ABLIM2: variants seen among roughly 807,000 people sequenced by gnomAD.
The protein encoded by ABLIM2 is actin binding LIM protein family member 2.
A neutral mutation model predicts 97.7 loss-of-function variants in ABLIM2; 53 were observed. That is an observed-to-expected ratio of 0.54 (90% CI 0.44 to 0.68). The LOEUF is 0.68. ABLIM2 is among the 30% of genes least tolerant of loss of function. The pLI, the probability that ABLIM2 is intolerant of heterozygous loss-of-function variation, is 0.00. For synonymous variants in ABLIM2, 361 were observed against 345.8 expected (o/e 1.04, Z -0.49); for missense variants, 835 against 867.2 (o/e 0.96, Z 0.47).
intron 1 of ABLIM2, among the ~76,000 whole-genome samples, chr4:8,145,530 A>G (rs1271765031): frequency 3.3e-5 from 5 of 151,730 alleles, no homozygotes; most frequent in Admixed American, 2.6e-4. Flanking sequence ...TTTGGATCCC[A>G]CTCTGGTGAG....
chr4:8,008,132 G>A lies in ABLIM2; in HGVS notation c.1545C>T (p.Thr515=), dbSNP rs1369360210. 6.2e-7 allele frequency: 1 copy of A among 1,614,026 alleles called. No homozygotes were observed. The highest frequency in any genetic ancestry group is 1.1e-5 in the South Asian group (1 of 91,080). The change falls in exon 16 of 21, where the codon ACC becomes ACT. Residue 515 remains threonine (T), a synonymous_variant. Transcript: ENST00000447017. The part of the protein sequence containing the change: ...DTRTNSPDLD[T]QSLSHSSGTD... ...TCCCGCTGCTGTGGGACAAGGACTG[G>A]GTGTCCAGGTCTGGAGAATTGGTCC...
At chr4:8,041,741 A>C (rs1257504058) in intron 9 of ABLIM2, among the ~76,000 whole-genome samples, 1 of 152,150 alleles carries the variant, frequency 6.6e-6, no homozygotes, top group African/African-American at 2.4e-5. Context: ...TCTCTATTAA[A>C]AATACAAAAA....
chr4:8,039,881 T>A (rs919262951), intron 9 of ABLIM2, among the ~76,000 whole-genome samples: 3 of 141,856 alleles, frequency 2.1e-5, no homozygotes, highest in African/African-American at 8.1e-5. Context: ...ACTGTTTTTT[T>A]TTTTTTTTTT....
intron 3 of ABLIM2, among the ~76,000 whole-genome samples, chr4:8,089,535 G>C (rs1307757070): frequency 6.6e-6 from 1 of 152,060 alleles, no homozygotes; most frequent in East Asian, 1.9e-4. Context: ...AGGAGTTTGA[G>C]ACCAGCCTGG....
intron 4 of ABLIM2, among the ~76,000 whole-genome samples, chr4:8,081,381 C>T (rs1280307065): frequency 2.0e-5 from 3 of 152,220 alleles, no homozygotes; most frequent in Admixed American, 6.5e-5. Context: ...CTGCCCTGCT[C>T]ACTTGTCCTG....
chr4:8,008,133 G>A lies in ABLIM2; in HGVS notation c.1544C>T (p.Thr515Ile). The change falls in exon 16 of 21, where the codon ACC (threonine) becomes ATC (isoleucine). Residue 515 changes from threonine to isoleucine, a missense_variant. Coordinates refer to ENST00000447017, the MANE Select transcript of ABLIM2 (RefSeq NM_001130083.2). ...DTRTNSPDLDTQSLSHSSGTD... is the reference protein window; with the variant it reads ...DTRTNSPDLDIQSLSHSSGTD... ...CCCGCTGCTGTGGGACAAGGACTGGGTGTCCAGGTCTGGAGAATTGGTCCT... is the reference window on the plus strand; with the variant it reads ...CCCGCTGCTGTGGGACAAGGACTGGATGTCCAGGTCTGGAGAATTGGTCCT... 1 of 1,614,042 alleles carries A rather than the reference G, an allele frequency of 6.2e-7. No homozygotes were observed. Among genetic ancestry groups the A allele is most frequent in the Admixed American group, 1.7e-5 (1 of 60,028 alleles).
intron 14 of ABLIM2, among the ~76,000 whole-genome samples, chr4:8,010,880 G>T (rs1208998046): frequency 2.6e-5 from 4 of 152,222 alleles, no homozygotes; most frequent in African/African-American, 7.2e-5. Flanking sequence ...CTTGGCAGCT[G>T]CCCAGCAAGT....
chr4:7,995,535 G>A (rs986074275), intron 16 of ABLIM2, among the ~76,000 whole-genome samples: 10 of 152,200 alleles, frequency 6.6e-5, no homozygotes, highest in Admixed American at 2.6e-4. Context: ...GGTTCCTCAT[G>A]GACTCAATGA....
intron 14 of ABLIM2, among the ~76,000 whole-genome samples, chr4:8,013,478 C>A (rs963579521): frequency 2.6e-5 from 4 of 152,188 alleles, no homozygotes; most frequent in Non-Finnish European, 4.4e-5. Context: ...CCTGCCTCAG[C>A]CTCACAAAGT....
In ABLIM2 at chr4:8,155,870, C is replaced by T. The variant is rs1294084633; in HGVS notation, c.10+2810G>A. Among the ~76,000 whole-genome samples, 1 of 151,976 alleles carries T rather than the reference C, an allele frequency of 6.6e-6. No homozygotes were observed. Among genetic ancestry groups the T allele is most frequent in the Non-Finnish European group, 1.5e-5 (1 of 68,006 alleles). ...AGACACACACAAAGGGAAGACGGGGCGAGGACACAGGGAGAGGGCGGCCGT... is the reference window on the plus strand; with the variant it reads ...AGACACACACAAAGGGAAGACGGGGTGAGGACACAGGGAGAGGGCGGCCGT... On this transcript the variant is annotated intron_variant, in intron 1 of 20. Coordinates refer to ENST00000447017, the MANE Select transcript of ABLIM2 (RefSeq NM_001130083.2). This position sits in a 1 kb window ranked among gnomAD's most constrained non-coding sequence, Gnocchi z 4.2.
rs1472233192 is a variant in ABLIM2, at chr4:8,128,555, A to G, written c.11-21918T>C. 6.6e-6 allele frequency among the ~76,000 whole-genome samples: 1 copy of G among 152,204 alleles called. No individual in the cohort carries two copies. The highest frequency in any genetic ancestry group is 1.5e-5 in the Non-Finnish European group (1 of 68,030). ...GTTACCAGATGTACTCCCAGGCTCT[A>G]AAACACGAATGCACTAAACCTCCAG... On this transcript the variant is annotated intron_variant, in intron 1 of 20. Transcript: ENST00000447017. The surrounding 1 kb of genome is among the most constrained non-coding windows in gnomAD (Gnocchi z 4.9).
intron 1 of ABLIM2, among the ~76,000 whole-genome samples, chr4:8,157,440 A>G (rs1715717155): frequency 6.6e-6 from 1 of 152,174 alleles, no homozygotes; most frequent in Admixed American, 6.5e-5. Context: ...ATCCTCTTCC[A>G]AAGGGTTCTG....
At chr4:8,091,301 T>A (rs1414805395) in intron 3 of ABLIM2, among the ~76,000 whole-genome samples, 1 of 40,518 alleles carries the variant, frequency 2.5e-5, no homozygotes, top group Non-Finnish European at 4.1e-5. Context: ...TATTATATAT[T>A]ATATTATATA....
At chr4:8,059,444 G>T (rs2076770) in intron 7 of ABLIM2, among the ~76,000 whole-genome samples, 19 of 151,826 alleles carry the variant, frequency 1.3e-4, no homozygotes, top group Admixed American at 7.9e-4. Flanking sequence ...GAGGATGACC[G>T]GAAGTCCCTG....
chr4:8,133,127 A>G, intron 1 of ABLIM2, among the ~76,000 whole-genome samples: 1 of 151,984 alleles, frequency 6.6e-6, no homozygotes, highest in Non-Finnish European at 1.5e-5. Flanking sequence ...CGTCACTCCA[A>G]TCTCTGCCTC....
intron 1 of ABLIM2, among the ~76,000 whole-genome samples, chr4:8,156,290 C>G (rs1329978915): frequency 6.6e-6 from 1 of 151,928 alleles, no homozygotes; most frequent in Non-Finnish European, 1.5e-5. Context: ...CTACACCACA[C>G]TGATTGTCAC....
Position 8,149,310 on chromosome 4 carries a change from C to G in ABLIM2, c.10+9370G>C, listed in dbSNP as rs868011366. ...AGTCGCATATGAACAGTCATTTTGC[C>G]GCATGAGGTCACATAGTCACAGGGC... is the stretch of plus-strand genomic sequence containing the variant. On this transcript the variant is annotated intron_variant, in intron 1 of 20. Coordinates refer to ENST00000447017, the MANE Select transcript of ABLIM2 (RefSeq NM_001130083.2). This position sits in a 1 kb window ranked among gnomAD's most constrained non-coding sequence, Gnocchi z 6.4. Among the ~76,000 whole-genome samples the G allele has an allele frequency of 1.1e-4, 16 of 152,086 alleles. No individual in the cohort carries two copies. Among genetic ancestry groups the G allele is most frequent in the African/African-American group, 3.4e-4 (14 of 41,404 alleles).
rs942436148 is a variant in ABLIM2 at position 8,069,313 on chromosome 4, C to T, written c.676-8259G>A. Among the ~76,000 whole-genome samples, 8 of 152,258 alleles carry T rather than the reference C, an allele frequency of 5.3e-5. No homozygotes were observed. Among genetic ancestry groups the T allele is most frequent in the Non-Finnish European group, 8.8e-5 (6 of 68,052 alleles). ...GGCCAGCCTGAGCGGCCCTAGAGGA[C>T]CAGAGAACTTGACTAAGTTTGGGAA... On this transcript the variant is annotated intron_variant, in intron 6 of 20. Transcript: ENST00000447017. The surrounding 1 kb of genome is among the most constrained non-coding windows in gnomAD (Gnocchi z 4.2).
rs2151447051 is a variant in ABLIM2 at position 8,036,422 on chromosome 4, C to T, written c.901-127G>A. The T allele has an allele frequency of 3.4e-6, 4 of 1,166,256 alleles. No individual in the cohort carries two copies. In the East Asian group the frequency reaches 7.5e-5, roughly 22 times the overall value. 72.2% of individuals were successfully genotyped at this position (1,166,256 alleles called of 1,614,324 possible). ...GCCAGATGCATCCCACAGGACAGTG[C>T]CCCCAAAGCCAGATGCATCCCACAG... On this transcript the variant is annotated intron_variant, in intron 9 of 20. Coordinates refer to ENST00000447017, the MANE Select transcript of ABLIM2 (RefSeq NM_001130083.2).
Sources: gnomAD v4.1 joint callset for allele counts (sites outside exome capture counted in the v4.1 genomes callset) on GRCh38, gnomAD v4.1.1 for gene constraint, Gnocchi (gnomAD v3.1) non-coding constraint, MANE v1.5 for transcripts, NCBI Gene and HGNC (gene_info 2026-07-23, HGNC 2026-07-21) for gene names.